QTMAN: variants seen among roughly 807,000 people sequenced by gnomAD.
The protein encoded by QTMAN is tRNA-queuosine alpha-mannosyltransferase.
the QTMAN span, among the ~76,000 whole-genome samples, chr2:144,108,287 T>C: frequency 6.6e-6 from 1 of 152,170 alleles, no homozygotes; most frequent in African/African-American, 2.4e-5. Context: ...ATAAAGGGTA[T>C]TCAATTAGGA....
the QTMAN span, among the ~76,000 whole-genome samples, chr2:144,318,194 AACAC>A: frequency 6.3e-3 from 888 of 141,984 alleles, 4 homozygotes; most frequent in East Asian, 0.027. Context: ...TATTTAAATA[AACAC>A]ACACACACAC....
At chr2:144,058,171 A>AC in the QTMAN span, among the ~76,000 whole-genome samples, 1 of 127,582 alleles carries the variant, frequency 7.8e-6, no homozygotes, top group Admixed American at 8.1e-5. Context: ...CACACACACA[A>AC]AGAAACTTTT....
At chr2:144,132,718 GA>G in the QTMAN span, among the ~76,000 whole-genome samples, 2,464 of 152,000 alleles carry the variant, frequency 0.016, 157 homozygotes, top group Admixed American at 0.11. Flanking sequence ...AGAGTTTTCA[GA>G]ATTTTGTTCC....
At chr2:144,173,725 TTGATA>T in the QTMAN span, among the ~76,000 whole-genome samples, 1 of 151,862 alleles carries the variant, frequency 6.6e-6, no homozygotes, top group African/African-American at 2.4e-5. Flanking sequence ...AAGTCTCACA[TTGATA>T]TCTGATCCCC....
chr2:144,107,889 C>G, the QTMAN span, among the ~76,000 whole-genome samples: 1 of 152,180 alleles, frequency 6.6e-6, no homozygotes, highest in Non-Finnish European at 1.5e-5. Context: ...AGCAGCACAT[C>G]AAAAGTCTTA....
chr2:144,064,234 C>T, the QTMAN span, among the ~76,000 whole-genome samples: 1 of 152,158 alleles, frequency 6.6e-6, no homozygotes, highest in East Asian at 1.9e-4. Context: ...GTAGATCTAG[C>T]TGATTCTGGC....
At chr2:144,191,668 A>C in the QTMAN span, among the ~76,000 whole-genome samples, 1 of 152,226 alleles carries the variant, frequency 6.6e-6, no homozygotes, top group Admixed American at 6.5e-5. Context: ...TAAGAAAGAC[A>C]AAGTCTCTGC....
the QTMAN span, among the ~76,000 whole-genome samples, chr2:144,092,870 G>GGTGTGTGT: frequency 0.034 from 4,749 of 140,662 alleles, 93 homozygotes; most frequent in East Asian, 0.097. Context: ...AAACTTTTGG[G>GGTGTGTGT]GTGTGTGTGT....
chr2:143,977,756 A>T, the QTMAN span, among the ~76,000 whole-genome samples: 2 of 152,202 alleles, frequency 1.3e-5, no homozygotes, highest in Non-Finnish European at 2.9e-5. Flanking sequence ...ACAGAAATTA[A>T]GTTATCAAAA....
chr2:144,078,524 A>C, the QTMAN span, among the ~76,000 whole-genome samples: 1 of 152,230 alleles, frequency 6.6e-6, no homozygotes, highest in Non-Finnish European at 1.5e-5. Context: ...GCATTTAAGA[A>C]AATCTCAACT....
At chr2:144,307,160 AAAAAAAAAAAAAAAAAAAAAAAACAATT>A in the QTMAN span, among the ~76,000 whole-genome samples, 1 of 35,982 alleles carries the variant, frequency 2.8e-5, no homozygotes, top group Non-Finnish European at 8.1e-5. Flanking sequence ...ACTCCGTCTT[AAAAAAAAAAAAAAAAAAAAAAAACAATT>A]AAAAAAAAAA....
chr2:144,238,432 C>T, the QTMAN span, among the ~76,000 whole-genome samples: 1 of 152,260 alleles, frequency 6.6e-6, no homozygotes, highest in East Asian at 1.9e-4. Context: ...TATTCACAGT[C>T]AACTTTGGTT....
chr2:144,173,821 G>A, the QTMAN span, among the ~76,000 whole-genome samples: 2 of 152,176 alleles, frequency 1.3e-5, no homozygotes, highest in East Asian at 3.9e-4. Flanking sequence ...TACTCGCATG[G>A]GAGTGAAGGA....
chr2:144,009,137 G>A, the QTMAN span, among the ~76,000 whole-genome samples: 1 of 152,052 alleles, frequency 6.6e-6, no homozygotes, highest in Non-Finnish European at 1.5e-5. Flanking sequence ...TAGGGGAAAA[G>A]CAAGCAGGGT....
chr2:144,195,924 T>C, the QTMAN span, among the ~76,000 whole-genome samples: 1 of 152,126 alleles, frequency 6.6e-6, no homozygotes, highest in Non-Finnish European at 1.5e-5. Flanking sequence ...TTCATTCCCA[T>C]CAATTATAAT....
chr2:144,261,837 C>T, the QTMAN span, among the ~76,000 whole-genome samples: 1 of 152,084 alleles, frequency 6.6e-6, no homozygotes, highest in East Asian at 1.9e-4. Context: ...TTATGTATCA[C>T]CTTCTTTTTA....
the QTMAN span, among the ~76,000 whole-genome samples, chr2:144,087,800 C>T: frequency 6.6e-6 from 1 of 151,934 alleles, no homozygotes; most frequent in Admixed American, 6.6e-5. Context: ...GACATACCCC[C>T]AAAATAATAA....
the QTMAN span, among the ~76,000 whole-genome samples, chr2:144,305,009 C>A: frequency 6.6e-6 from 1 of 152,130 alleles, no homozygotes; most frequent in Non-Finnish European, 1.5e-5. Context: ...TCCCTTATCA[C>A]AAATATAACT....
the QTMAN span, among the ~76,000 whole-genome samples, chr2:144,202,916 A>C: frequency 6.6e-6 from 1 of 152,202 alleles, no homozygotes; most frequent in Non-Finnish European, 1.5e-5. Context: ...CTCCTGGGAA[A>C]CAGTGGTTTC....
Sources: gnomAD v4.1 joint callset for allele counts (sites outside exome capture counted in the v4.1 genomes callset) on GRCh38, gnomAD v4.1.1 for gene constraint, MANE v1.5 for transcripts, NCBI Gene and HGNC (gene_info 2026-07-23, HGNC 2026-07-21) for gene names.